Variants in TMEM126B observed in about 807,000 individuals in gnomAD.
The protein encoded by TMEM126B is transmembrane protein 126B.
TMEM126B carries 19 observed loss-of-function variants against 16.5 expected under a neutral mutation model. The observed-to-expected ratio is 1.15, with a 90% CI of 0.80 to 1.69. The LOEUF is 1.69. Among genes scored for constraint, TMEM126B ranks in the 40% most tolerant of loss-of-function variants. The pLI is 0.00. For synonymous variants in TMEM126B, 104 were observed against 93.2 expected (o/e 1.12, Z -0.67); for missense variants, 293 against 278.7 (o/e 1.05, Z -0.37).
At chr11:85,634,509 A>G (rs2082363423) in intron 3 of TMEM126B, 1 of 422,520 alleles carries the variant, frequency 2.4e-6, no homozygotes, top group South Asian at 3.1e-5. Flanking sequence ...ATGTTCAAGT[A>G]CGCTAATAAG....
chr11:85,630,387 T>C (rs956994873), intron 1 of TMEM126B, among the ~76,000 whole-genome samples: 1 of 152,182 alleles, frequency 6.6e-6, no homozygotes, highest in Non-Finnish European at 1.5e-5. Context: ...AACATTAAAA[T>C]TGAGATTAGT....
rs2082143932 is a variant in TMEM126B at position 85,628,673 on chromosome 11, T to C, written c.66T>C (p.Thr22=). The C allele has an allele frequency of 2.0e-6, 3 of 1,536,054 alleles. No individual in the cohort carries two copies. Among genetic ancestry groups the C allele is most frequent in the Admixed American group, 2.0e-5 (1 of 50,988 alleles). Residue 22 remains threonine (T), a synonymous_variant, in exon 1 of 5, where the codon ACT becomes ACC. Transcript: ENST00000358867. ...PRDSGVVPVG[T]EEAPKVFKMA... ...ATTCAGGTGTGGTGCCGGTGGGAAC[T>C]GAGGAAGCGCCCAAGGTAGGCGGAA...
Position 85,631,719 on chromosome 11 carries a change from G to T in TMEM126B, c.114G>T (p.Gln38His), listed in dbSNP as rs1259517951. 1.2e-6 allele frequency: 2 copies of T among 1,613,420 alleles called. No individual in the cohort carries two copies. The highest frequency in any genetic ancestry group is 1.7e-6 in the Non-Finnish European group (2 of 1,179,790). Residue 38 changes from glutamine to histidine, a missense_variant, in exon 2 of 5, where the codon CAG becomes CAT. Coordinates refer to ENST00000358867, the MANE Select transcript of TMEM126B (RefSeq NM_018480.7). ...AGATGGCAGCATCTATGCATGGTCA[G>T]CCCAGTCCTTCTCTAGAAGATGCAA... The part of the protein sequence containing the change: ...VFKMAASMHG[Q>H]PSPSLEDAKL...
At chr11:85,631,558 G>C (rs1455506116) in intron 1 of TMEM126B, 129 bp from the exon 2 acceptor site, 1 of 1,059,830 alleles carries the variant, frequency 9.4e-7, no homozygotes, top group South Asian at 1.6e-5. Flanking sequence ...GTATGTGAAA[G>C]CAGACGACAC....
chr11:85,634,450 G>A, intron 3 of TMEM126B, 171 bp downstream of exon 3: 1 of 534,300 alleles, frequency 1.9e-6, no homozygotes, highest in Non-Finnish European at 3.2e-6. Flanking sequence ...CTCCTAATCA[G>A]GTAAACTGTA....
intron 1 of TMEM126B, chr11:85,631,065 TC>T (rs2082286968): frequency 3.6e-6 from 4 of 1,105,202 alleles, no homozygotes; most frequent in Non-Finnish European, 3.7e-6. Context: ...CCTGTTCCCT[TC>T]CTGGAGCAGT....
intron 2 of TMEM126B, among the ~76,000 whole-genome samples, chr11:85,633,476 CTT>C (rs1227029837): frequency 6.6e-6 from 1 of 152,172 alleles, no homozygotes; most frequent in Non-Finnish European, 1.5e-5. Context: ...TGTTTCCTGA[CTT>C]TTTAATGATT....
chr11:85,635,587 A>G lies in TMEM126B; in HGVS notation c.398-80A>G, dbSNP rs113439377. The stretch of plus-strand genomic sequence containing the variant: ...TTAGTTGTGGTTGAGGATAGTGCAG[A>G]TAACTACTCTGTGAGGTACAACACT... On this transcript the variant is annotated intron_variant, in intron 3 of 4. Coordinates refer to ENST00000358867, the MANE Select transcript of TMEM126B (RefSeq NM_018480.7). The G allele has an allele frequency of 2.0e-3, 1,884 of 919,740 alleles. 32 individuals are homozygous for G. In the African/African-American group the frequency reaches 0.029, roughly 14 times the overall value. The allele number at this position is 919,740 out of a possible 1,614,324, so 57.0% of individuals were successfully genotyped here.
chr11:85,631,897 C>A, intron 2 of TMEM126B, 89 bp downstream of exon 2: 1 of 1,355,138 alleles, frequency 7.4e-7, no homozygotes, highest in Non-Finnish European at 9.8e-7. Context: ...TCTTTCTTAC[C>A]TTTTCTGTTA....
At chr11:85,635,591 C>G (rs1222154861) in intron 3 of TMEM126B, 76 bp from the exon 4 acceptor site, 1 of 955,396 alleles carries the variant, frequency 1.0e-6, no homozygotes. Flanking sequence ...GTGCAGATAA[C>G]TACTCTGTGA....
At chr11:85,628,720 G>T (rs1469542032) in intron 1 of TMEM126B, 32 bp downstream of exon 1, 3 of 1,520,532 alleles carry the variant, frequency 2.0e-6, no homozygotes, top group Non-Finnish European at 2.6e-6. Context: ...TATGGGGGGT[G>T]ATTTCTGCAC....
chr11:85,631,804 G>C lies in TMEM126B; in HGVS notation c.199G>C (p.Glu67Gln), dbSNP rs749345722. 3.1e-6 allele frequency: 5 copies of C among 1,602,620 alleles called. No homozygotes were observed. The South Asian group carries it at 3.4e-5, about 11-fold the overall frequency. ...AAAAAATTTTGACTATCTTAGAAAA[G>C]AAATGTAAGAGAAATGCCCAGGCTG... ...IEKNFDYLRKEMTQNIYQMAT... is the reference protein window; with the variant it reads ...IEKNFDYLRKQMTQNIYQMAT... Residue 67 changes from glutamate to glutamine, a missense_variant, in exon 2 of 5, where the codon GAA (glutamate) becomes CAA (glutamine). Coordinates refer to ENST00000358867, the MANE Select transcript of TMEM126B (RefSeq NM_018480.7).
At position 85,636,081 on chromosome 11, in the gene TMEM126B, T is replaced by A. The variant is rs2082398753; in HGVS notation, c.545T>A (p.Val182Asp). ...HTVPLPPKGR[V>D]LIHWMTLCQT... ...GTTCCACTGCCACCAAAAGGAAGGG[T>A]TTTAATCCATTGGATGACGCTTTGT... The change falls in exon 5 of 5, where the codon GTT (valine) becomes GAT (aspartate). Residue 182 changes from valine to aspartate, a missense_variant. Transcript: ENST00000358867. 4 of 1,607,804 alleles carry A rather than the reference T, an allele frequency of 2.5e-6. No homozygotes were observed.
intron 1 of TMEM126B, chr11:85,629,315 G>C (rs2082199460): frequency 1.8e-6 from 2 of 1,090,212 alleles, no homozygotes; most frequent in East Asian, 1.2e-4. Flanking sequence ...TAATACACAT[G>C]AAAGCACTAC....
chr11:85,630,782 G>A (rs1591449110), intron 1 of TMEM126B, among the ~76,000 whole-genome samples: 2 of 152,176 alleles, frequency 1.3e-5, no homozygotes, highest in African/African-American at 2.4e-5. Flanking sequence ...GGGTCTCTGG[G>A]GCCGGGCACG....
chr11:85,631,465 C>A, intron 1 of TMEM126B: 2 of 859,850 alleles, frequency 2.3e-6, no homozygotes, highest in Non-Finnish European at 3.2e-6. Flanking sequence ...GGATGTTTAG[C>A]AAGAAAATAA....
rs567391777 is a variant in TMEM126B, at chr11:85,635,525, G to A, written c.398-142G>A. 1.1e-4 allele frequency: 60 copies of A among 548,710 alleles called. No homozygotes were observed. In the Admixed American group the frequency reaches 1.6e-3, roughly 15 times the overall value. The allele number at this position is 548,710 out of a possible 1,614,324, so 34.0% of individuals were successfully genotyped here. ...ATGTGCTGCATTTGGCCTGTTATAT[G>A]CCACAGAGTTTGAATTTCTAATATT... On this transcript the variant is annotated intron_variant, in intron 3 of 4. Coordinates refer to ENST00000358867, the MANE Select transcript of TMEM126B (RefSeq NM_018480.7).
At chr11:85,631,926 G>C in intron 2 of TMEM126B, 118 bp downstream of exon 2, 1 of 1,069,426 alleles carries the variant, frequency 9.4e-7, no homozygotes, top group Non-Finnish European at 1.3e-6. Context: ...CCTATTCTTT[G>C]AGTTGGCTAT....
chr11:85,631,189 A>G (rs1325943257), intron 1 of TMEM126B: 15 of 1,290,418 alleles, frequency 1.2e-5, no homozygotes, highest in Non-Finnish European at 1.5e-5. Flanking sequence ...TTTCATGAGA[A>G]ACTGAGGATA....
Sources: allele counts gnomAD v4.1 joint callset (sites outside exome capture counted in the v4.1 genomes callset), GRCh38; gene constraint gnomAD v4.1.1; transcripts MANE v1.5; gene names NCBI Gene and HGNC (gene_info 2026-07-23, HGNC 2026-07-21).